HABP4: variants seen among roughly 807,000 people sequenced by gnomAD.
The protein encoded by HABP4 is hyaluronan binding protein 4.
HABP4 carries 32 observed loss-of-function variants against 44.1 expected under a neutral mutation model. That is an observed-to-expected ratio of 0.73 (90% CI 0.55 to 0.97). HABP4 has a LOEUF of 0.97. Among genes scored for constraint, HABP4 ranks in the 50% least tolerant of loss-of-function variants. The pLI is 0.00. For missense variants in HABP4, 503 were observed against 561.9 expected, an observed-to-expected ratio of 0.90 and a Z score of 1.06; for synonymous variants, 216 against 218.0, an observed-to-expected ratio of 0.99 and a Z score of 0.08.
In HABP4 at chr9:96,458,380, C is replaced by A. The variant is rs1345509028; in HGVS notation, c.351C>A (p.Gly117=). The change falls in exon 2 of 8, where the codon GGC becomes GGA. Residue 117 remains glycine, a splice_region_variant and synonymous_variant. Coordinates refer to ENST00000375249, the MANE Select transcript of HABP4 (RefSeq NM_014282.4). ...TCTGCTTTGATTTTCTGTTGGTAGG[C>A]CAGAAGCGGACTCCTAGAAGAGGGG... The part of the protein sequence containing the change: ...DSPGGGLQAP[G]QKRTPRRGEQ... 1.2e-6 allele frequency: 2 copies of A among 1,613,592 alleles called. No homozygotes were observed. Among genetic ancestry groups the A allele is most frequent in the African/African-American group, 2.7e-5 (2 of 74,844 alleles).
At chr9:96,453,980 TG>T in intron 1 of HABP4, among the ~76,000 whole-genome samples, 1 of 152,272 alleles carries the variant, frequency 6.6e-6, no homozygotes, top group South Asian at 2.1e-4. Context: ...ATCTTTGTTT[TG>T]GGGGGTTTGG....
chr9:96,467,790 C>T (rs1166549483), intron 4 of HABP4, among the ~76,000 whole-genome samples: 3 of 152,072 alleles, frequency 2.0e-5, no homozygotes, highest in East Asian at 3.9e-4. Flanking sequence ...CCTCCCAAAG[C>T]GCTGGGATTA....
intron 5 of HABP4, among the ~76,000 whole-genome samples, chr9:96,481,355 G>A (rs1226120374): frequency 2.6e-5 from 4 of 152,052 alleles, no homozygotes; most frequent in Non-Finnish European, 4.4e-5. Context: ...GCCTCCCAAA[G>A]TGCTGGGATT....
At chr9:96,483,374 TTC>T (rs1175698352) in intron 5 of HABP4, 1 of 134,580 alleles carries the variant, frequency 7.4e-6, no homozygotes, top group Non-Finnish European at 1.5e-5. Context: ...TCATAAAGCA[TTC>T]TTTTTTTTTT....
chr9:96,460,828 C>T (rs1450246240), intron 2 of HABP4, among the ~76,000 whole-genome samples: 3 of 152,200 alleles, frequency 2.0e-5, no homozygotes, highest in Admixed American at 2.0e-4. Context: ...AGGGGATTTT[C>T]ACTTTCAGGG....
At position 96,488,331 on chromosome 9, in the gene HABP4, C is replaced by T. The variant is rs367553060; in HGVS notation, c.1185+57C>T. The T allele has an allele frequency of 2.5e-6, 3 of 1,200,130 alleles. No homozygotes were observed. The highest frequency in any genetic ancestry group is 4.8e-5 in the East Asian group (2 of 41,388). The allele number at this position is 1,200,130 out of a possible 1,614,324, so 74.3% of individuals were successfully genotyped here. A position where few individuals can be genotyped will look rare whatever the true frequency, so the allele number is the denominator to read the frequency against. On this transcript the variant is annotated intron_variant, in intron 7 of 7. Transcript: ENST00000375249. The surrounding 1 kb of genome is among the most constrained non-coding windows in gnomAD (Gnocchi z 4.6). The stretch of plus-strand genomic sequence containing the variant: ...AAGTTAATAAGGACAGTGCCCTGGG[C>T]CCAGGATGGTCTAATTTCAGAGGGT...
In HABP4 at chr9:96,464,756, T is replaced by G. The variant is rs143508337; in HGVS notation, c.513-581T>G. 2.6e-5 allele frequency among the ~76,000 whole-genome samples: 4 copies of G among 152,282 alleles called. No individual in the cohort carries two copies. In the East Asian group the frequency reaches 7.7e-4, roughly 29 times the overall value. On this transcript the variant is annotated intron_variant, in intron 2 of 7. Coordinates refer to ENST00000375249, the MANE Select transcript of HABP4 (RefSeq NM_014282.4). ...AGGTCTTCAGCTGCCCTTGGCCGTT[T>G]ATGTGGAGTAATGAGGTGGAAGGCA...
intron 1 of HABP4, 55 bp from the exon 2 acceptor site, chr9:96,458,324 G>C (rs973828287): frequency 6.8e-7 from 1 of 1,479,384 alleles, no homozygotes; most frequent in South Asian, 1.1e-5. Flanking sequence ...AAGTTTAATA[G>C]TGTGCTGTTG....
intron 4 of HABP4, among the ~76,000 whole-genome samples, chr9:96,468,919 G>A (rs1171709320): frequency 6.6e-6 from 1 of 152,224 alleles, no homozygotes; most frequent in Admixed American, 6.5e-5. Context: ...GAAGAAAGTG[G>A]AGGTGAGCCT....
intron 1 of HABP4, among the ~76,000 whole-genome samples, chr9:96,453,937 G>A (rs1199882382): frequency 6.6e-6 from 1 of 152,158 alleles, no homozygotes; most frequent in Non-Finnish European, 1.5e-5. Context: ...AGGAGAACGA[G>A]ATGTTTGCCC....
At chr9:96,474,515 T>C (rs1181457198) in intron 5 of HABP4, among the ~76,000 whole-genome samples, 1 of 152,210 alleles carries the variant, frequency 6.6e-6, no homozygotes, top group African/African-American at 2.4e-5. Context: ...GTCTGCAGTA[T>C]CCCAGGAGAG....
rs201635379 is a variant in HABP4, at chr9:96,488,292, C to T, written c.1185+18C>T. 2.6e-5 allele frequency: 41 copies of T among 1,577,638 alleles called. No homozygotes were observed. The highest frequency in any genetic ancestry group is 3.4e-5 in the Admixed American group (2 of 58,706). On this transcript the variant is annotated intron_variant, in intron 7 of 7. Coordinates refer to ENST00000375249, the MANE Select transcript of HABP4 (RefSeq NM_014282.4). The surrounding 1 kb of genome is among the most constrained non-coding windows in gnomAD (Gnocchi z 4.6). Reference sequence around the variant, plus strand: ...AAGTGGTGGTAGGTGTCTGTATTGACGGTTTGGCGAAAGAAGTTAATAAGG... The same window carrying T: ...AAGTGGTGGTAGGTGTCTGTATTGATGGTTTGGCGAAAGAAGTTAATAAGG...
intron 5 of HABP4, among the ~76,000 whole-genome samples, chr9:96,480,629 T>A (rs187503236): frequency 2.0e-5 from 3 of 152,346 alleles, no homozygotes; most frequent in Admixed American, 1.3e-4. Flanking sequence ...TTTGACACAT[T>A]TCATAATAAA....
chr9:96,474,982 A>G (rs940060683), intron 5 of HABP4, among the ~76,000 whole-genome samples: 2 of 152,110 alleles, frequency 1.3e-5, no homozygotes, highest in Non-Finnish European at 2.9e-5. Context: ...CCATCCTTCC[A>G]TCTTCTCCTT....
intron 1 of HABP4, among the ~76,000 whole-genome samples, chr9:96,454,854 C>T (rs571540843): frequency 1.3e-5 from 2 of 152,288 alleles, no homozygotes; most frequent in South Asian, 2.1e-4. Flanking sequence ...TGGTGGCTCA[C>T]GCCTGTGATC....
chr9:96,490,274 A>G lies in HABP4; in HGVS notation c.*236A>G. The G allele has an allele frequency of 1.8e-6, 1 of 560,868 alleles. No individual in the cohort carries two copies. Among genetic ancestry groups the G allele is most frequent in the Non-Finnish European group, 3.2e-6 (1 of 314,604 alleles). 34.7% of individuals were successfully genotyped at this position (560,868 alleles called of 1,614,324 possible). On this transcript the variant is annotated 3_prime_UTR_variant, in exon 8 of 8. Transcript: ENST00000375249. ...CTGTGTTTTTATTGAAGGAATTTCAAATGAAGAATAATGTTTAAAATGTGT... is the reference window on the plus strand; with the variant it reads ...CTGTGTTTTTATTGAAGGAATTTCAGATGAAGAATAATGTTTAAAATGTGT...
rs1443924606 is a variant in HABP4, at chr9:96,454,595, G to A, written c.350-3784G>A. The stretch of plus-strand genomic sequence containing the variant: ...CTCCCCAGTAGCTGGGACTACAGAC[G>A]CCCGCCACCACGCCTGGCTAATTTT... On this transcript the variant is annotated intron_variant, in intron 1 of 7. Transcript: ENST00000375249. Among the ~76,000 whole-genome samples, 4 of 152,056 alleles carry A rather than the reference G, an allele frequency of 2.6e-5. No individual in the cohort carries two copies. In the East Asian group the frequency reaches 7.8e-4, roughly 29 times the overall value.
intron 5 of HABP4, among the ~76,000 whole-genome samples, chr9:96,479,865 C>A (rs1246077157): frequency 6.6e-6 from 1 of 151,904 alleles, no homozygotes; most frequent in South Asian, 2.1e-4. Context: ...GGCTTATATT[C>A]CAATTTAAAA....
intron 1 of HABP4, among the ~76,000 whole-genome samples, chr9:96,453,862 C>T (rs1000504392): frequency 6.6e-6 from 1 of 152,122 alleles, no homozygotes; most frequent in East Asian, 1.9e-4. Flanking sequence ...CAGTGTTGAT[C>T]TCTTAGTACT....
Sources: gnomAD v4.1 joint callset for allele counts (sites outside exome capture counted in the v4.1 genomes callset) on GRCh38, gnomAD v4.1.1 for gene constraint, Gnocchi (gnomAD v3.1) non-coding constraint, MANE v1.5 for transcripts, NCBI Gene and HGNC (gene_info 2026-07-23, HGNC 2026-07-21) for gene names.